PPTC7: variants seen among roughly 807,000 people sequenced by gnomAD.
PPTC7 encodes the protein protein phosphatase PTC7 homolog.
PPTC7 carries 6 observed loss-of-function variants against 30.8 expected under a neutral mutation model. The ratio of observed to expected loss-of-function variants is 0.19; its 90% CI spans 0.11 to 0.38. The LOEUF (loss-of-function observed/expected upper bound fraction) is 0.38. Among genes scored for constraint, PPTC7 ranks in the 10% least tolerant of loss-of-function variants. The pLI, the probability that PPTC7 is intolerant of heterozygous loss-of-function variation, is 1.00. For missense variants in PPTC7, 218 were observed against 404.8 expected (o/e 0.54, Z 3.96); for synonymous variants, 163 against 168.1 (o/e 0.97, Z 0.23).
chr12:110,540,348 G>C (rs982110619), intron 3 of PPTC7, among the ~76,000 whole-genome samples: 3 of 102,198 alleles, frequency 2.9e-5, no homozygotes, highest in Non-Finnish European at 5.4e-5. Context: ...TTGGAGACAA[G>C]TCTCGCTCTG....
intron 1 of PPTC7, among the ~76,000 whole-genome samples, chr12:110,566,376 C>G (rs1483782774): frequency 6.6e-6 from 1 of 152,192 alleles, no homozygotes; most frequent in African/African-American, 2.4e-5. Flanking sequence ...GTGTGGGATA[C>G]TGAGCAAGGA....
At chr12:110,539,978 G>C (rs2064245175) in intron 3 of PPTC7, 33 bp from the exon 4 acceptor site, 1 of 1,608,578 alleles carries the variant, frequency 6.2e-7, no homozygotes, top group East Asian at 2.2e-5. Context: ...ACAAAGTTAA[G>C]AAGGCCCTTT....
At chr12:110,564,698 T>C (rs961012884) in intron 1 of PPTC7, among the ~76,000 whole-genome samples, 4 of 151,990 alleles carry the variant, frequency 2.6e-5, no homozygotes, top group Non-Finnish European at 5.9e-5. Flanking sequence ...CATCATTCCT[T>C]TGAATAGCCT....
At chr12:110,564,920 G>A (rs2064470289) in intron 1 of PPTC7, among the ~76,000 whole-genome samples, 1 of 148,822 alleles carries the variant, frequency 6.7e-6, no homozygotes, top group Non-Finnish European at 1.5e-5. Flanking sequence ...TGTCGTCCAG[G>A]ATGGAGTGTG....
intron 1 of PPTC7, among the ~76,000 whole-genome samples, chr12:110,563,122 CAAAAAAAAAAAAA>C (rs766517371): frequency 1.4e-4 from 6 of 43,094 alleles, no homozygotes; most frequent in Non-Finnish European, 2.6e-4. Context: ...GACTCCATCT[CAAAAAAAAAAAAA>C]AAAAAAAAAA....
intron 1 of PPTC7, among the ~76,000 whole-genome samples, chr12:110,579,874 G>T (rs559714809): frequency 1.3e-5 from 2 of 152,000 alleles, no homozygotes; most frequent in Non-Finnish European, 2.9e-5. Context: ...TTAGCCGGGC[G>T]TGATGGCGCG....
chr12:110,540,208 A>AG (rs1014570098), intron 3 of PPTC7, among the ~76,000 whole-genome samples: 7 of 152,026 alleles, frequency 4.6e-5, no homozygotes, highest in Admixed American at 2.6e-4. Flanking sequence ...CAAGTGGCTG[A>AG]GAAGGAGGGA....
At chr12:110,559,551 C>T (rs185553826) in intron 1 of PPTC7, among the ~76,000 whole-genome samples, 1 of 151,346 alleles carries the variant, frequency 6.6e-6, no homozygotes, top group Non-Finnish European at 1.5e-5. Context: ...CATGGTGAAA[C>T]CCCGTCTCTA....
At chr12:110,567,283 G>A (rs1187193876) in intron 1 of PPTC7, among the ~76,000 whole-genome samples, 1 of 152,178 alleles carries the variant, frequency 6.6e-6, no homozygotes, top group African/African-American at 2.4e-5. Flanking sequence ...AATCGGTGTG[G>A]CCAGGGTGGG....
At chr12:110,568,503 C>T (rs1409105998) in intron 1 of PPTC7, among the ~76,000 whole-genome samples, 6 of 152,122 alleles carry the variant, frequency 3.9e-5, no homozygotes, top group African/African-American at 7.2e-5. Context: ...CCGCCCACCT[C>T]GGCCTCCCAA....
chr12:110,560,388 C>T (rs540354036), intron 1 of PPTC7, among the ~76,000 whole-genome samples: 17 of 150,044 alleles, frequency 1.1e-4, no homozygotes, highest in Non-Finnish European at 2.2e-4. Flanking sequence ...AGCGACAGAG[C>T]GAGACCCTGT....
intron 1 of PPTC7, among the ~76,000 whole-genome samples, chr12:110,568,552 C>T (rs1355002985): frequency 2.0e-5 from 3 of 152,078 alleles, no homozygotes; most frequent in African/African-American, 7.2e-5. Flanking sequence ...ACGCCTGGCC[C>T]TCATGCATAT....
At chr12:110,567,586 T>C (rs1031206092) in intron 1 of PPTC7, among the ~76,000 whole-genome samples, 2 of 152,212 alleles carry the variant, frequency 1.3e-5, no homozygotes, top group Non-Finnish European at 2.9e-5. Context: ...TCACCAAGCC[T>C]ACCATGAGTC....
In PPTC7 at chr12:110,537,114, C is replaced by T; in HGVS notation, c.857-19G>A. The T allele has an allele frequency of 6.3e-7, 1 of 1,575,272 alleles. No homozygotes were observed. Reference sequence around the variant, plus strand: ...TTTCCACCTACAATGAAAATGAGAACCTATCAGTATATTTTAAAAGGAAAA... The same window carrying T: ...TTTCCACCTACAATGAAAATGAGAATCTATCAGTATATTTTAAAAGGAAAA... On this transcript the variant is annotated intron_variant, in intron 5 of 5. Coordinates refer to ENST00000354300, the MANE Select transcript of PPTC7 (RefSeq NM_139283.2).
chr12:110,568,314 G>A (rs1187252931), intron 1 of PPTC7, among the ~76,000 whole-genome samples: 2 of 147,806 alleles, frequency 1.4e-5, no homozygotes, highest in African/African-American at 5.0e-5. Context: ...GTGCAGTGCC[G>A]CGATCTCGGC....
intron 1 of PPTC7, among the ~76,000 whole-genome samples, chr12:110,552,729 T>C (rs1054222544): frequency 6.6e-6 from 1 of 151,986 alleles, no homozygotes; most frequent in African/African-American, 2.4e-5. Context: ...CCAGGCGTGG[T>C]GGCAGGCGCC....
Position 110,546,050 on chromosome 12 carries a change from C to A in PPTC7, c.432G>T (p.Leu144=). The part of the protein sequence containing the change: ...LGSSTACIVV[L]DRTSHRLHTA... ...TGTGTAAGCGGTGGCTGGTTCTGTC[C>A]AGCACCACAATGCAGGCGGTGCTGC... Residue 144 remains leucine, a synonymous_variant, in exon 3 of 6, where the codon CTG becomes CTT. Transcript: ENST00000354300. 5 of 1,614,090 alleles carry A rather than the reference C, an allele frequency of 3.1e-6. No individual in the cohort carries two copies. Among genetic ancestry groups the A allele is most frequent in the Non-Finnish European group, 4.2e-6 (5 of 1,180,032 alleles).
At chr12:110,560,513 A>G (rs1208345009) in intron 1 of PPTC7, among the ~76,000 whole-genome samples, 1 of 152,164 alleles carries the variant, frequency 6.6e-6, no homozygotes, top group African/African-American at 2.4e-5. Flanking sequence ...GGCTTACTAT[A>G]AGAAAGACTT....
At position 110,556,966 on chromosome 12, in the gene PPTC7, C is replaced by T. The variant is rs952991033; in HGVS notation, c.224-4998G>A. 3.3e-5 allele frequency among the ~76,000 whole-genome samples: 5 copies of T among 151,994 alleles called. No homozygotes were observed. In the East Asian group the frequency reaches 5.8e-4, roughly 18 times the overall value. On this transcript the variant is annotated intron_variant, in intron 1 of 5. Transcript: ENST00000354300. ...CTGGCAGGGGTCAGCCAGATTTCCACGGCAGGGAAGGATAACAAGAGGAAA... is the reference window on the plus strand; with the variant it reads ...CTGGCAGGGGTCAGCCAGATTTCCATGGCAGGGAAGGATAACAAGAGGAAA...
Sources: gnomAD v4.1 joint callset for allele counts (sites outside exome capture counted in the v4.1 genomes callset) on GRCh38, gnomAD v4.1.1 for gene constraint, MANE v1.5 for transcripts, NCBI Gene and HGNC (gene_info 2026-07-23, HGNC 2026-07-21) for gene names.